Variants in CHD1L observed in about 807,000 individuals in gnomAD.
The protein encoded by CHD1L is chromodomain helicase DNA binding protein 1 like.
In CHD1L, 118 loss-of-function variants were observed where a neutral mutation model predicts 115.9. The observed-to-expected ratio is 1.02, with a 90% CI of 0.88 to 1.19. The LOEUF (loss-of-function observed/expected upper bound fraction) is 1.19. Ranked by LOEUF, CHD1L falls within the 50% of genes most tolerant of loss-of-function variation. The pLI is 0.00. For missense variants in CHD1L, 1,179 were observed against 1,065.3 expected, an observed-to-expected ratio of 1.11 and a Z score of -1.49; for synonymous variants, 411 against 387.1, an observed-to-expected ratio of 1.06 and a Z score of -0.72.
At chr1:147,202,118 G>T in the CHD1L span, among the ~76,000 whole-genome samples, 1 of 152,080 alleles carries the variant, frequency 6.6e-6, no homozygotes, top group African/African-American at 2.4e-5. Flanking sequence ...TAGGATTTTA[G>T]AATTTATCTC....
the CHD1L span, chr1:147,175,140 G>C: frequency 6.6e-5 from 10 of 152,140 alleles, no homozygotes; most frequent in Admixed American, 5.9e-4. Flanking sequence ...TATAACATCT[G>C]ATCTTGATGG....
intron 12 of CHD1L, 103 bp from the exon 13 acceptor site, chr1:147,275,251 G>T: frequency 1.2e-6 from 1 of 819,106 alleles, no homozygotes. Flanking sequence ...CAATTGTTTT[G>T]ACTGATTTCA....
the CHD1L span, chr1:147,186,942 C>A: frequency 3.1e-6 from 5 of 1,614,120 alleles, no homozygotes; most frequent in Non-Finnish European, 4.2e-6. Context: ...CAAGAGCTAG[C>A]ATAAACTTGC....
chr1:147,184,412 A>G, the CHD1L span: 2 of 1,346,956 alleles, frequency 1.5e-6, no homozygotes, highest in Middle Eastern at 2.7e-4. The surrounding 1 kb of genome is among the most constrained non-coding windows in gnomAD (Gnocchi z 4.4). Flanking sequence ...TGCATACTTT[A>G]TTAATATTCC....
At chr1:147,248,394 G>C (rs1427814305) in intron 1 of CHD1L, among the ~76,000 whole-genome samples, 1 of 152,034 alleles carries the variant, frequency 6.6e-6, no homozygotes, top group African/African-American at 2.4e-5. Flanking sequence ...TTTTAATAGA[G>C]ACGGGGTTTC....
At chr1:147,219,011 C>T in the CHD1L span, among the ~76,000 whole-genome samples, 85 of 152,176 alleles carry the variant, frequency 5.6e-4, no homozygotes, top group Admixed American at 2.0e-3. Flanking sequence ...GTGAGAAACC[C>T]GAGAGTAGCC....
intron 15 of CHD1L, among the ~76,000 whole-genome samples, chr1:147,283,480 C>T (rs1553963248): frequency 6.6e-6 from 1 of 152,162 alleles, no homozygotes; most frequent in Admixed American, 6.5e-5. Context: ...TTCTTAATCA[C>T]TTGATTCATG....
At chr1:147,267,289 G>C (rs1234357055) in intron 8 of CHD1L, 137 bp from the exon 9 acceptor site, 5 of 549,328 alleles carry the variant, frequency 9.1e-6, no homozygotes, top group Non-Finnish European at 9.5e-6. Flanking sequence ...ACAATTCAGT[G>C]AAATTTGGGA....
chr1:147,270,274 G>T (rs1675627934), intron 10 of CHD1L, among the ~76,000 whole-genome samples: 1 of 152,150 alleles, frequency 6.6e-6, no homozygotes, highest in African/African-American at 2.4e-5. Context: ...GGGACTCTAG[G>T]CTTGACTTTG....
chr1:147,218,748 A>T, the CHD1L span, among the ~76,000 whole-genome samples: 2 of 152,238 alleles, frequency 1.3e-5, no homozygotes, highest in African/African-American at 4.8e-5. Flanking sequence ...TTTCTAAGTT[A>T]TTAAATTGTT....
At chr1:147,293,306 TTC>T (rs1486082553) in intron 20 of CHD1L, among the ~76,000 whole-genome samples, 2 of 99,280 alleles carry the variant, frequency 2.0e-5, no homozygotes, top group Non-Finnish European at 4.5e-5. Flanking sequence ...TTCAGAAAAA[TTC>T]TCTTTTTTTT....
intron 1 of CHD1L, among the ~76,000 whole-genome samples, chr1:147,245,266 G>A (rs1393566030): frequency 1.3e-5 from 2 of 152,186 alleles, no homozygotes; most frequent in Non-Finnish European, 2.9e-5. Flanking sequence ...GGGAGATTTG[G>A]AAGGGGAAAG....
intron 9 of CHD1L, 122 bp downstream of exon 9, chr1:147,267,640 C>G (rs1215022829): frequency 2.8e-6 from 2 of 704,760 alleles, no homozygotes. Flanking sequence ...TTCTCAATTT[C>G]TCTGTATTGG....
chr1:147,288,600 G>C (rs1035733040), intron 19 of CHD1L, among the ~76,000 whole-genome samples: 15 of 152,164 alleles, frequency 9.9e-5, no homozygotes, highest in African/African-American at 2.7e-4. Context: ...AGAATCACTT[G>C]AACCTGGGAG....
At chr1:147,287,162 C>T (rs989553656) in intron 18 of CHD1L, among the ~76,000 whole-genome samples, 2 of 152,184 alleles carry the variant, frequency 1.3e-5, no homozygotes, top group Non-Finnish European at 2.9e-5. Context: ...ACGTGTAATA[C>T]ATGCTACCAA....
chr1:147,259,025 A>G (rs971360181), intron 5 of CHD1L: 2 of 152,186 alleles, frequency 1.3e-5, no homozygotes, highest in Non-Finnish European at 1.5e-5. Flanking sequence ...ATGCCATGTA[A>G]TATTTTACTA....
chr1:147,240,006 G>A (rs1163284916), upstream of CHD1L, among the ~76,000 whole-genome samples: 6 of 152,154 alleles, frequency 3.9e-5, no homozygotes, highest in South Asian at 4.1e-4. Context: ...GGTTTGTTTT[G>A]AGAAAACACC....
chr1:147,289,923 G>A (rs969309338), intron 19 of CHD1L, among the ~76,000 whole-genome samples: 3 of 152,150 alleles, frequency 2.0e-5, no homozygotes, highest in East Asian at 1.9e-4. Flanking sequence ...GCCATTCTGC[G>A]CAGAACCTTA....
At chr1:147,271,507 A>T (rs1045742928) in intron 11 of CHD1L, among the ~76,000 whole-genome samples, 4 of 152,214 alleles carry the variant, frequency 2.6e-5, no homozygotes, top group Non-Finnish European at 5.9e-5. Flanking sequence ...GATTTGTGTG[A>T]GATGATGAGA....
Sources: allele counts gnomAD v4.1 joint callset (sites outside exome capture counted in the v4.1 genomes callset), GRCh38; gene constraint gnomAD v4.1.1; non-coding constraint Gnocchi (gnomAD v3.1); transcripts MANE v1.5; gene names NCBI Gene and HGNC (gene_info 2026-07-23, HGNC 2026-07-21).